DAB1: variants seen among roughly 807,000 people sequenced by gnomAD.
DAB1 encodes the protein disabled homolog 1.
In DAB1, 15 loss-of-function variants were observed where a neutral mutation model predicts 64.6. The ratio of observed to expected loss-of-function variants is 0.23; its 90% CI spans 0.16 to 0.36. DAB1 has a LOEUF of 0.36. Ranked by LOEUF, DAB1 falls within the 10% of genes least tolerant of loss-of-function variation. The pLI, the probability that DAB1 is intolerant of heterozygous loss-of-function variation, is 1.00. For synonymous variants in DAB1, 235 were observed against 251.9 expected (o/e 0.93, Z 0.64); for missense variants, 596 against 706.7 (o/e 0.84, Z 1.78).
At chr1:58,473,851 T>C in intron 3 of DAB1, 1 of 625,376 alleles carries the variant, frequency 1.6e-6, no homozygotes, top group African/African-American at 1.9e-5. Flanking sequence ...TGTGTCTTCC[T>C]AGCCTGCGTT....
At chr1:57,700,800 C>T (rs1204495477) in intron 6 of DAB1, among the ~76,000 whole-genome samples, 1 of 152,088 alleles carries the variant, frequency 6.6e-6, no homozygotes, top group Non-Finnish European at 1.5e-5. Context: ...TTTCTCAATT[C>T]CCTCTTGAAC....
chr1:57,133,556 A>AT (rs1657813793), intron 4 of DAB1, among the ~76,000 whole-genome samples: 1 of 152,210 alleles, frequency 6.6e-6, no homozygotes, highest in Non-Finnish European at 1.5e-5. Flanking sequence ...CTATTGATTT[A>AT]TTCCCTGCAA....
At chr1:57,603,459 A>G (rs2140705) in intron 7 of DAB1, among the ~76,000 whole-genome samples, 104,207 of 152,062 alleles carry the variant, frequency 0.69, 38,783 homozygotes, top group Non-Finnish European at 0.82. Context: ...GATAGCGTGA[A>G]GCCTGATCTC....
chr1:57,810,624 C>A (rs949074542), intron 6 of DAB1, among the ~76,000 whole-genome samples: 25 of 152,114 alleles, frequency 1.6e-4, no homozygotes, highest in African/African-American at 6.0e-4. Flanking sequence ...CCTCAGCTGT[C>A]AGGGTGCAGC....
At chr1:58,247,257 T>TCCC (rs1557712867) in intron 4 of DAB1, among the ~76,000 whole-genome samples, 1 of 101,358 alleles carries the variant, frequency 9.9e-6, no homozygotes, top group Admixed American at 1.2e-4. Flanking sequence ...CATTTTTCAT[T>TCCC]TCCCCCCCCG....
At chr1:58,243,583 C>A (rs1043053990) in intron 4 of DAB1, among the ~76,000 whole-genome samples, 2 of 152,008 alleles carry the variant, frequency 1.3e-5, no homozygotes, top group Non-Finnish European at 2.9e-5. Context: ...AAGGGAAGAG[C>A]CTAAATGTCA....
At chr1:57,930,078 T>C (rs1373849958) in intron 5 of DAB1, among the ~76,000 whole-genome samples, 1 of 152,232 alleles carries the variant, frequency 6.6e-6, no homozygotes, top group Non-Finnish European at 1.5e-5. Flanking sequence ...GTGAAGGGTA[T>C]AAAGTCTGGG....
chr1:57,940,208 C>T (rs1645082910), intron 5 of DAB1, among the ~76,000 whole-genome samples: 1 of 152,146 alleles, frequency 6.6e-6, no homozygotes, highest in Admixed American at 6.5e-5. Context: ...AAGCCCAGGG[C>T]ATTTCAACAC....
At chr1:57,425,089 A>G (rs1556585), upstream of DAB1, among the ~76,000 whole-genome samples, 47,963 of 152,034 alleles carry the variant, frequency 0.32, 8,005 homozygotes, top group Non-Finnish European at 0.37. Context: ...TCAACTCCAG[A>G]AAATTCCTGT....
At chr1:58,334,626 T>C (rs56371918) in intron 4 of DAB1, among the ~76,000 whole-genome samples, 21,910 of 131,480 alleles carry the variant, frequency 0.17, 1,778 homozygotes, top group South Asian at 0.3. Context: ...TATATTATAT[T>C]ATATTATATC....
At chr1:57,199,268 T>A (rs576064685) in intron 2 of DAB1, among the ~76,000 whole-genome samples, 1 of 152,306 alleles carries the variant, frequency 6.6e-6, no homozygotes, top group Non-Finnish European at 1.5e-5. Context: ...TTCTAATTAA[T>A]AATTTATTTT....
intron 7 of DAB1, among the ~76,000 whole-genome samples, chr1:57,580,539 C>A (rs1216985039): frequency 6.6e-6 from 1 of 152,068 alleles, no homozygotes; most frequent in Non-Finnish European, 1.5e-5. Context: ...CTTCTCCATC[C>A]TTGGGTTTGC....
intron 7 of DAB1, among the ~76,000 whole-genome samples, chr1:57,636,161 C>A (rs1646054762): frequency 6.7e-6 from 1 of 148,200 alleles, no homozygotes; most frequent in Admixed American, 6.7e-5. Flanking sequence ...AACACTGGAG[C>A]ACTCTCTCCC....
At chr1:57,458,144 T>G (rs993127979) in intron 7 of DAB1, among the ~76,000 whole-genome samples, 1 of 152,176 alleles carries the variant, frequency 6.6e-6, no homozygotes, top group African/African-American at 2.4e-5. Flanking sequence ...TTTACATACA[T>G]TTATTTGTAG....
Position 57,955,800 on chromosome 1 carries a change from A to T in DAB1, n.388-71638T>A, listed in dbSNP as rs1014774781. ...TAACCAAAATGAAGCAGAAGAAAAA[A>T]AAAATGAGCTAGAAAAACAAATGCA... On this transcript the variant is annotated intron_variant and non_coding_transcript_variant, in intron 5 of 20. Transcript: ENST00000485760. Among the ~76,000 whole-genome samples the T allele has an allele frequency of 5.3e-5, 8 of 152,210 alleles. No individual in the cohort carries two copies. The South Asian group carries it at 1.7e-3, about 32-fold the overall frequency.
At chr1:57,855,280 C>T (rs1653703589) in intron 1 of DAB1, among the ~76,000 whole-genome samples, 1 of 152,108 alleles carries the variant, frequency 6.6e-6, no homozygotes, top group Non-Finnish European at 1.5e-5. Context: ...TTATTTAATC[C>T]TCATTCATTT....
chr1:58,152,668 C>T (rs1226693843), intron 4 of DAB1, among the ~76,000 whole-genome samples: 2 of 152,214 alleles, frequency 1.3e-5, no homozygotes, highest in East Asian at 1.9e-4. Flanking sequence ...CCTTACTACA[C>T]ATTTAGTGCC....
intron 1 of DAB1, among the ~76,000 whole-genome samples, chr1:57,380,585 A>C (rs537218213): frequency 1.5e-4 from 23 of 152,330 alleles, no homozygotes; most frequent in African/African-American, 5.1e-4. Flanking sequence ...TGATGATCAT[A>C]ATGAGTACAA....
chr1:57,007,496 C>G (rs573265049), intron 14 of DAB1, among the ~76,000 whole-genome samples: 1 of 152,098 alleles, frequency 6.6e-6, no homozygotes, highest in Admixed American at 6.6e-5. Context: ...ACGTGATTCT[C>G]CCAGATGGGA....
Sources: allele counts gnomAD v4.1 joint callset (sites outside exome capture counted in the v4.1 genomes callset), GRCh38; gene constraint gnomAD v4.1.1; transcripts MANE v1.5; gene names NCBI Gene and HGNC (gene_info 2026-07-23, HGNC 2026-07-21).